Variants in SNX5 observed in about 807,000 individuals in gnomAD.
The protein encoded by SNX5 is sorting nexin-5.
In SNX5, 31 loss-of-function variants were observed where a neutral mutation model predicts 53.9. That is an observed-to-expected ratio of 0.58 (90% CI 0.43 to 0.78). SNX5 has a LOEUF of 0.78. SNX5 is among the 30% of genes least tolerant of loss of function. SNX5 has a pLI of 0.00. For missense variants in SNX5, 471 were observed against 478.8 expected (o/e 0.98, Z 0.15); for synonymous variants, 168 against 171.1 (o/e 0.98, Z 0.14).
Position 17,968,499 on chromosome 20 carries a change from C to T in SNX5, c.-74G>A. On this transcript the variant is annotated 5_prime_UTR_variant, in exon 1 of 13. Transcript: ENST00000377759. ...GAAGCTGGGCCGCCGCCGCCGCCGC[C>T]TGGGCGCCTCTCGGGGGCGGCCACG... 1 of 1,229,384 alleles carries T rather than the reference C, an allele frequency of 8.1e-7. No homozygotes were observed. Among genetic ancestry groups the T allele is most frequent in the Non-Finnish European group, 1.0e-6 (1 of 973,650 alleles). The allele number at this position is 1,229,384 out of a possible 1,614,324, so 76.2% of individuals were successfully genotyped here.
At chr20:17,963,242 G>A (rs915156846) in intron 1 of SNX5, among the ~76,000 whole-genome samples, 31 of 152,202 alleles carry the variant, frequency 2.0e-4, no homozygotes, top group African/African-American at 5.5e-4. Flanking sequence ...CACTTTGGGA[G>A]GCTGAGGCAG....
intron 1 of SNX5, among the ~76,000 whole-genome samples, chr20:17,960,537 T>C (rs1474542369): frequency 6.6e-6 from 1 of 152,072 alleles, no homozygotes. Flanking sequence ...GAGGTTGCAG[T>C]GAGCCGACAT....
In SNX5 at chr20:17,968,522, ACGGCCCCGCCTCCGCCGGCCTCC is replaced by A. The variant is rs1309217374; in HGVS notation, c.-120_-98del. ...GCCTGGGCGCCTCTCGGGGGCGGCC[ACGGCCCCGCCTCCGCCGGCCTCC>A]CTGCCCGACGGCGGCAGGAGGCCTC... On this transcript the variant is annotated 5_prime_UTR_variant, in exon 1 of 13. Coordinates refer to ENST00000377759, the MANE Select transcript of SNX5 (RefSeq NM_014426.4). 1 of 1,142,832 alleles carries A rather than the reference ACGGCCCCGCCTCCGCCGGCCTCC, an allele frequency of 8.8e-7. No individual in the cohort carries two copies. The highest frequency in any genetic ancestry group is 3.2e-5 in the East Asian group (1 of 31,106). The allele number at this position is 1,142,832 out of a possible 1,614,324, so 70.8% of individuals were successfully genotyped here. A position where few individuals can be genotyped will look rare whatever the true frequency, so the allele number is the denominator to read the frequency against.
chr20:17,950,943 G>C (rs2039557986), intron 6 of SNX5: 1 of 158,214 alleles, frequency 6.3e-6, no homozygotes, highest in Non-Finnish European at 1.4e-5. Context: ...GGCAAAGCCA[G>C]ATACCAGACA....
chr20:17,963,568 C>A (rs2035491783), intron 1 of SNX5, among the ~76,000 whole-genome samples: 1 of 152,212 alleles, frequency 6.6e-6, no homozygotes, highest in Non-Finnish European at 1.5e-5. Flanking sequence ...CAAAAGTTCA[C>A]TGGCATACCA....
chr20:17,956,687 AAAAAAAAAAAAAAAAAAC>A (rs1240252701), intron 2 of SNX5, among the ~76,000 whole-genome samples: 41 of 87,982 alleles, frequency 4.7e-4, no homozygotes, highest in Admixed American at 1.9e-3. Flanking sequence ...AAAAAAAAAA[AAAAAAAAAAAAAAAAAAC>A]AAAAAAACAA....
intron 11 of SNX5, 197 bp from the exon 12 acceptor site, chr20:17,943,392 T>C (rs2093474974): frequency 5.5e-6 from 3 of 545,772 alleles, no homozygotes; most frequent in Non-Finnish European, 9.9e-6. Flanking sequence ...ATCACTGTCT[T>C]TAAGTGGAAA....
intron 10 of SNX5, among the ~76,000 whole-genome samples, 171 bp from the exon 11 acceptor site, chr20:17,947,816 G>A (rs1310587981): frequency 6.6e-6 from 1 of 152,168 alleles, no homozygotes; most frequent in Non-Finnish European, 1.5e-5. Flanking sequence ...AATGCTGATA[G>A]CTTTGTTGAG....
At chr20:17,966,293 G>A (rs1436111633) in intron 1 of SNX5, among the ~76,000 whole-genome samples, 3 of 151,872 alleles carry the variant, frequency 2.0e-5, no homozygotes, top group Admixed American at 1.3e-4. Context: ...GCTGAGGCAG[G>A]AGAATCGCTT....
At chr20:17,953,631 A>G (rs2035303856) in intron 4 of SNX5, among the ~76,000 whole-genome samples, 1 of 152,180 alleles carries the variant, frequency 6.6e-6, no homozygotes, top group South Asian at 2.1e-4. Flanking sequence ...TTTCTTCTCA[A>G]CGTCTAGTAA....
chr20:17,950,104 G>T, intron 8 of SNX5, 28 bp downstream of exon 8: 1 of 1,599,504 alleles, frequency 6.3e-7, no homozygotes, highest in South Asian at 1.1e-5. Context: ...AATTGGGTTA[G>T]GGGAAATGCT....
chr20:17,968,084 G>A, intron 1 of SNX5: 1 of 398,734 alleles, frequency 2.5e-6, no homozygotes, highest in Non-Finnish European at 4.4e-6. Context: ...AGAACATTCC[G>A]GGGTCTCCAG....
At chr20:17,958,761 C>T (rs182697850) in intron 1 of SNX5, among the ~76,000 whole-genome samples, 2 of 152,304 alleles carry the variant, frequency 1.3e-5, no homozygotes, top group African/African-American at 2.4e-5. Flanking sequence ...CCAGCTTTGG[C>T]GTATTTTCTG....
chr20:17,957,693 C>G (rs528449111), intron 1 of SNX5, among the ~76,000 whole-genome samples: 1 of 152,266 alleles, frequency 6.6e-6, no homozygotes, highest in East Asian at 1.9e-4. Context: ...AATGAACATT[C>G]AAGAGGCATT....
intron 11 of SNX5, chr20:17,947,180 A>C (rs1187713336): frequency 1.5e-5 from 4 of 267,838 alleles, no homozygotes; most frequent in Admixed American, 5.3e-5. Context: ...CACAGCAAAC[A>C]ACCATACTGT....
intron 1 of SNX5, among the ~76,000 whole-genome samples, chr20:17,966,525 A>G (rs2035539994): frequency 6.6e-6 from 1 of 152,246 alleles, no homozygotes; most frequent in Admixed American, 6.5e-5. Flanking sequence ...ACAAAATGCC[A>G]GTGTCTGGCT....
At chr20:17,960,272 C>T (rs760907168) in intron 1 of SNX5, among the ~76,000 whole-genome samples, 12 of 151,938 alleles carry the variant, frequency 7.9e-5, no homozygotes, top group Non-Finnish European at 1.8e-4. Flanking sequence ...ACCAGCCTGA[C>T]CAACATGGTG....
At chr20:17,943,061 T>C (rs1380789530) in intron 12 of SNX5, 49 bp downstream of exon 12, 1 of 1,335,858 alleles carries the variant, frequency 7.5e-7, no homozygotes, top group African/African-American at 1.5e-5. Context: ...GGGAAATAAC[T>C]TGGAAAAAAC....
chr20:17,960,841 T>A (rs2035435685), intron 1 of SNX5, among the ~76,000 whole-genome samples: 1 of 151,594 alleles, frequency 6.6e-6, no homozygotes, highest in Admixed American at 6.6e-5. Context: ...CGGTGAGACC[T>A]CATCTCTATT....
Sources: allele counts gnomAD v4.1 joint callset (sites outside exome capture counted in the v4.1 genomes callset), GRCh38; gene constraint gnomAD v4.1.1; transcripts MANE v1.5; gene names NCBI Gene and HGNC (gene_info 2026-07-23, HGNC 2026-07-21).